The following RPS6KA2 variants were observed in gnomAD, a reference collection of about 807,000 sequenced individuals.
RPS6KA2 encodes ribosomal protein S6 kinase alpha-2.
RPS6KA2 carries 42 observed loss-of-function variants against 91.8 expected under a neutral mutation model. That is an observed-to-expected ratio of 0.46 (90% CI 0.36 to 0.59). RPS6KA2 has a LOEUF of 0.59. Among genes scored for constraint, RPS6KA2 ranks in the 20% least tolerant of loss-of-function variants. The pLI is 0.00. For missense variants in RPS6KA2, 798 were observed against 978.5 expected (o/e 0.82, Z 2.46); for synonymous variants, 414 against 393.6 (o/e 1.05, Z -0.61).
chr6:166,541,585 C>G (rs1783655289), intron 1 of RPS6KA2, among the ~76,000 whole-genome samples: 1 of 152,194 alleles, frequency 6.6e-6, no homozygotes, highest in Non-Finnish European at 1.5e-5. Flanking sequence ...CATGGGTGTT[C>G]CCCTGCTCCC....
chr6:166,577,481 C>G (rs570798718), intron 1 of RPS6KA2, among the ~76,000 whole-genome samples: 2 of 152,166 alleles, frequency 1.3e-5, no homozygotes, highest in Admixed American at 6.5e-5. Flanking sequence ...CAGCATGACC[C>G]GGAAGTGAGA....
chr6:166,681,922 ACACCACC>A (rs1430550844), intron 2 of RPS6KA2, among the ~76,000 whole-genome samples: 2 of 151,896 alleles, frequency 1.3e-5, no homozygotes, highest in African/African-American at 4.8e-5. Flanking sequence ...GTGAGTCTCG[ACACCACC>A]CACCACCGCA....
intron 2 of RPS6KA2, among the ~76,000 whole-genome samples, chr6:166,833,115 T>TC (rs1246114181): frequency 6.6e-6 from 1 of 152,260 alleles, no homozygotes; most frequent in Non-Finnish European, 1.5e-5. Flanking sequence ...CTACCACATT[T>TC]CATCCTCACA....
At chr6:166,552,932 T>C (rs1365488917) in intron 1 of RPS6KA2, among the ~76,000 whole-genome samples, 1 of 152,262 alleles carries the variant, frequency 6.6e-6, no homozygotes, top group Non-Finnish European at 1.5e-5. Flanking sequence ...AATGGCTCTC[T>C]ACGGATTCTG....
intron 12 of RPS6KA2, among the ~76,000 whole-genome samples, chr6:166,455,921 G>A (rs1050838401): frequency 6.6e-6 from 1 of 152,246 alleles, no homozygotes; most frequent in Admixed American, 6.5e-5. Flanking sequence ...TAGACTCAGA[G>A]CTTGAGCTTA....
At chr6:166,535,473 G>A (rs1340248763) in intron 2 of RPS6KA2, among the ~76,000 whole-genome samples, 1 of 152,208 alleles carries the variant, frequency 6.6e-6, no homozygotes, top group East Asian at 1.9e-4. Context: ...AAAAAACTTT[G>A]GTTTGGTTCC....
chr6:166,594,475 T>C lies in RPS6KA2; in HGVS notation c.99+32446A>G, dbSNP rs2128522867. On this transcript the variant is annotated intron_variant, in intron 1 of 20. Transcript: ENST00000265678. Reference sequence around the variant, plus strand: ...CCAAACACATTTTCTTTTTTTTTTCTTTTTTGAGACGGAGTCTCGCTCTGT... The same window carrying C: ...CCAAACACATTTTCTTTTTTTTTTCCTTTTTGAGACGGAGTCTCGCTCTGT... Among the ~76,000 whole-genome samples the C allele has an allele frequency of 3.3e-5, 5 of 152,302 alleles. No homozygotes were observed. In the South Asian group the frequency reaches 1.0e-3, roughly 32 times the overall value.
intron 2 of RPS6KA2, among the ~76,000 whole-genome samples, chr6:166,739,238 T>C (rs926052249): frequency 1.3e-5 from 2 of 152,258 alleles, no homozygotes; most frequent in African/African-American, 4.8e-5. Flanking sequence ...TTCTTTGATA[T>C]TTCTCATGGT....
Position 166,689,187 on chromosome 6 carries a change from A to G in RPS6KA2, c.124-150403T>C, listed in dbSNP as rs1789122063. Among the ~76,000 whole-genome samples the G allele has an allele frequency of 2.0e-5, 3 of 152,230 alleles. No individual in the cohort carries two copies. The South Asian group carries it at 6.2e-4, about 31-fold the overall frequency. On this transcript the variant is annotated intron_variant, in intron 2 of 21. Transcript: ENST00000503859. ...CCTCGCTTTCTCAGTGCCGAGCACC[A>G]TGTTTCCATGTGGATTTACACCACT...
In RPS6KA2 at chr6:166,849,680, A is replaced by G. The variant is rs1336107963; in HGVS notation, c.123+8520T>C. ...TTATTGGGCTAAATCCTCACGTAGA[A>G]TGAGCTTTCCCAACACAGGAGCTGC... On this transcript the variant is annotated intron_variant, in intron 2 of 21. Transcript: ENST00000503859. The surrounding 1 kb of genome is among the most constrained non-coding windows in gnomAD (Gnocchi z 4.9). Among the ~76,000 whole-genome samples, 1 of 152,234 alleles carries G rather than the reference A, an allele frequency of 6.6e-6. No individual in the cohort carries two copies. The highest frequency in any genetic ancestry group is 1.5e-5 in the Non-Finnish European group (1 of 68,044).
intron 2 of RPS6KA2, among the ~76,000 whole-genome samples, chr6:166,794,702 GT>G (rs1779180263): frequency 6.6e-6 from 1 of 151,668 alleles, no homozygotes; most frequent in Admixed American, 6.6e-5. Context: ...CATGTCCTTT[GT>G]AGGGACATGG....
chr6:166,676,437 TGA>T (rs1788622355), intron 2 of RPS6KA2, among the ~76,000 whole-genome samples: 1 of 152,204 alleles, frequency 6.6e-6, no homozygotes, highest in South Asian at 2.1e-4. Flanking sequence ...TGTGGCCGGT[TGA>T]TCTCCGGAAG....
Position 166,500,930 on chromosome 6 carries a change from A to G in RPS6KA2, c.567-6T>C. ...CCTCTTCATCCAGGAGGATGCTAAA[A>G]GAAAGGGAGAGAAAACAGATGCTTT... On this transcript the variant is annotated splice_region_variant and splice_polypyrimidine_tract_variant and intron_variant, in intron 6 of 20. Coordinates refer to ENST00000265678, the MANE Select transcript of RPS6KA2 (RefSeq NM_021135.6). The surrounding 1 kb of genome is among the most constrained non-coding windows in gnomAD (Gnocchi z 4.3). The G allele has an allele frequency of 1.2e-6, 2 of 1,613,492 alleles. No individual in the cohort carries two copies. The highest frequency in any genetic ancestry group is 1.7e-6 in the Non-Finnish European group (2 of 1,179,506).
At chr6:166,486,927 C>T (rs117369890) in intron 10 of RPS6KA2, among the ~76,000 whole-genome samples, 182 of 152,330 alleles carry the variant, frequency 1.2e-3, no homozygotes, top group African/African-American at 3.8e-3. Context: ...AAGAATTAAC[C>T]GGCCCAAAAT....
At chr6:166,717,103 G>A (rs61686799) in intron 2 of RPS6KA2, among the ~76,000 whole-genome samples, 11,262 of 152,182 alleles carry the variant, frequency 0.074, 753 homozygotes, top group African/African-American at 0.18. Flanking sequence ...TGGAGGCCAC[G>A]CGCTCACCTC....
rs145566125 is a variant in RPS6KA2 at position 166,440,658 on chromosome 6, G to A, written c.1332+8066C>T. Among the ~76,000 whole-genome samples, 13 of 152,284 alleles carry A rather than the reference G, an allele frequency of 8.5e-5. No individual in the cohort carries two copies. The East Asian group carries it at 1.5e-3, about 18-fold the overall frequency. On this transcript the variant is annotated intron_variant, in intron 14 of 20. Transcript: ENST00000265678. ...TTAACATCCCATGTAGGAATGCTAC[G>A]TTTTCTAGGATTTGACATTATCAGC...
intron 2 of RPS6KA2, among the ~76,000 whole-genome samples, chr6:166,804,670 CTTA>C (rs1019138547): frequency 1.3e-5 from 2 of 151,862 alleles, no homozygotes; most frequent in South Asian, 2.1e-4. Context: ...TTTTATATCT[CTTA>C]TTGTTTTGTC....
intron 8 of RPS6KA2, among the ~76,000 whole-genome samples, chr6:166,491,569 C>T (rs2128474227): frequency 6.6e-6 from 1 of 152,304 alleles, no homozygotes; most frequent in South Asian, 2.1e-4. Flanking sequence ...AGGATCAATC[C>T]TACTCGGTGT....
At chr6:166,535,893 G>A (rs948734374) in intron 2 of RPS6KA2, among the ~76,000 whole-genome samples, 1 of 152,246 alleles carries the variant, frequency 6.6e-6, no homozygotes, top group Non-Finnish European at 1.5e-5. Flanking sequence ...GCTCATAGAC[G>A]CTTCCCGCTG....
Sources: gnomAD v4.1 joint callset for allele counts (sites outside exome capture counted in the v4.1 genomes callset) on GRCh38, gnomAD v4.1.1 for gene constraint, Gnocchi (gnomAD v3.1) non-coding constraint, MANE v1.5 for transcripts, NCBI Gene and HGNC (gene_info 2026-07-23, HGNC 2026-07-21) for gene names.